Variants in SLC7A2 observed in about 807,000 individuals in gnomAD.
SLC7A2 encodes the protein solute carrier family 7 member 2.
In SLC7A2, 48 loss-of-function variants were observed where a neutral mutation model predicts 58.9. That is an observed-to-expected ratio of 0.82 (90% CI 0.65 to 1.04). The LOEUF (loss-of-function observed/expected upper bound fraction) is 1.04, where lower values mean the gene tolerates loss of function less well. Among genes scored for constraint, SLC7A2 ranks in the 50% least tolerant of loss-of-function variants. SLC7A2 has a pLI of 0.00. For synonymous variants in SLC7A2, 363 were observed against 314.5 expected, an observed-to-expected ratio of 1.15 and a Z score of -1.63; for missense variants, 1,029 against 818.8, an observed-to-expected ratio of 1.26 and a Z score of -3.13.
intron 10 of SLC7A2, among the ~76,000 whole-genome samples, 182 bp from the exon 11 acceptor site, chr8:17,561,762 T>C (rs952789399): frequency 2.6e-5 from 4 of 152,100 alleles, no homozygotes; most frequent in African/African-American, 4.8e-5. Context: ...GGTTCTTAAA[T>C]CCCTGCAACT....
intron 2 of SLC7A2, among the ~76,000 whole-genome samples, chr8:17,525,733 A>G (rs1042813534): frequency 6.6e-6 from 1 of 152,226 alleles, no homozygotes; most frequent in African/African-American, 2.4e-5. Flanking sequence ...AGAGAGGTAG[A>G]TGATGAAATA....
chr8:17,520,281 A>G (rs1800962135), intron 2 of SLC7A2, among the ~76,000 whole-genome samples: 1 of 152,174 alleles, frequency 6.6e-6, no homozygotes, highest in Admixed American at 6.5e-5. Flanking sequence ...GTTCATGAGA[A>G]TATTTGTGTA....
chr8:17,523,586 ATC>A (rs1174837208), intron 2 of SLC7A2, among the ~76,000 whole-genome samples: 2 of 152,134 alleles, frequency 1.3e-5, no homozygotes, highest in African/African-American at 4.8e-5. Context: ...CTGGATCCTC[ATC>A]TCTCAACTTA....
chr8:17,501,492 T>C lies in SLC7A2; in HGVS notation c.-68-765T>C, dbSNP rs145550103. On this transcript the variant is annotated intron_variant, in intron 1 of 12. Coordinates refer to ENST00000494857, the MANE Select transcript of SLC7A2 (RefSeq NM_001370338.1). ...TCTTATTTAGACTTTTAGTATTATT[T>C]AGACTTTTATTTAGACTTTTAGTAT... Among the ~76,000 whole-genome samples, 22 of 152,204 alleles carry C rather than the reference T, an allele frequency of 1.4e-4. 1 individual carries two copies. In the East Asian group the frequency reaches 4.1e-3, roughly 28 times the overall value.
In SLC7A2 at chr8:17,513,451, G is replaced by A. The variant is rs1460508334; in HGVS notation, c.-23+11149G>A. ...CACTTTTACCTCCATTCACACAAAAGGAAGTTTAAAACCTGCCTGGTTTGT... is the reference window on the plus strand; with the variant it reads ...CACTTTTACCTCCATTCACACAAAAAGAAGTTTAAAACCTGCCTGGTTTGT... On this transcript the variant is annotated intron_variant, in intron 2 of 12. Coordinates refer to ENST00000494857, the MANE Select transcript of SLC7A2 (RefSeq NM_001370338.1). 2.0e-5 allele frequency among the ~76,000 whole-genome samples: 3 copies of A among 152,098 alleles called. No individual in the cohort carries two copies. In the East Asian group the frequency reaches 5.8e-4, roughly 29 times the overall value.
chr8:17,558,388 T>C lies in SLC7A2; in HGVS notation c.1289T>C (p.Leu430Pro). Residue 430 changes from leucine to proline, a missense_variant, in exon 9 of 13, where the codon CTC becomes CCC. Leu to Pro is a moderately conservative substitution (Grantham distance 98). Transcript: ENST00000494857. ...TACTCTCTGGTGGCAGCCTGTGTTCTCATCCTCAGGTGAGTCACCTGGTGG... is the reference window on the plus strand; with the variant it reads ...TACTCTCTGGTGGCAGCCTGTGTTCCCATCCTCAGGTGAGTCACCTGGTGG... Reference protein sequence around the residue: ...MAYSLVAACVLILRYQPGLSY... With the variant: ...MAYSLVAACVPILRYQPGLSY... 1 of 1,610,040 alleles carries C rather than the reference T, an allele frequency of 6.2e-7. No individual in the cohort carries two copies. Among genetic ancestry groups the C allele is most frequent in the Non-Finnish European group, 8.5e-7 (1 of 1,176,744 alleles).
In SLC7A2 at chr8:17,554,468, A is replaced by G. The variant is rs747947949; in HGVS notation, c.1056-92A>G. On this transcript the variant is annotated intron_variant, in intron 7 of 12. Transcript: ENST00000494857. ...ATATGACTTCATAATTACAACTGTC[A>G]TGCTGAATATTATACAATTATTTTA... 2.0e-4 allele frequency: 207 copies of G among 1,028,980 alleles called. 3 individuals are homozygous for G. Among genetic ancestry groups the G allele is most frequent in the Middle Eastern group, 1.8e-3 (8 of 4,514 alleles). The allele number at this position is 1,028,980 out of a possible 1,614,324, so 63.7% of individuals were successfully genotyped here.
chr8:17,554,298 G>A (rs183711443), intron 7 of SLC7A2, among the ~76,000 whole-genome samples: 2 of 152,094 alleles, frequency 1.3e-5, no homozygotes, highest in Non-Finnish European at 2.9e-5. Context: ...CAAATTACTT[G>A]CAATATTGTT....
At chr8:17,561,847 A>T in intron 10 of SLC7A2, 97 bp from the exon 11 acceptor site, 1 of 1,161,350 alleles carries the variant, frequency 8.6e-7, no homozygotes, top group Non-Finnish European at 1.2e-6. Flanking sequence ...GTAGATGTGT[A>T]CAGAAGTCAG....
At chr8:17,539,904 G>A (rs191090594) in intron 2 of SLC7A2, among the ~76,000 whole-genome samples, 2 of 152,196 alleles carry the variant, frequency 1.3e-5, no homozygotes, top group African/African-American at 4.8e-5. Context: ...AAAAATGAGA[G>A]TAAGATGGTC....
chr8:17,511,959 T>C (rs1800621231), intron 2 of SLC7A2, among the ~76,000 whole-genome samples: 1 of 152,160 alleles, frequency 6.6e-6, no homozygotes, highest in Admixed American at 6.5e-5. Flanking sequence ...AAGAAAATAA[T>C]CTCATTTGGA....
chr8:17,564,854 AAACTCTATT>A (rs948308505), intron 12 of SLC7A2, 87 bp from the exon 13 acceptor site: 3 of 1,048,622 alleles, frequency 2.9e-6, no homozygotes, highest in African/African-American at 3.2e-5. Flanking sequence ...GGAAAGAGAC[AAACTCTATT>A]AAGTTCTACA....
intron 2 of SLC7A2, among the ~76,000 whole-genome samples, chr8:17,542,754 A>G (rs1801968767): frequency 6.6e-6 from 1 of 152,184 alleles, no homozygotes; most frequent in African/African-American, 2.4e-5. Context: ...GTGAGAATGA[A>G]ATTAGCCATC....
intron 2 of SLC7A2, among the ~76,000 whole-genome samples, chr8:17,517,515 T>G (rs1800849562): frequency 6.6e-6 from 1 of 152,126 alleles, no homozygotes; most frequent in Admixed American, 6.6e-5. Context: ...GTAGGTAACC[T>G]TCTTCTATTA....
chr8:17,501,066 T>A (rs1027252258), intron 1 of SLC7A2, among the ~76,000 whole-genome samples: 1 of 151,498 alleles, frequency 6.6e-6, no homozygotes, highest in African/African-American at 2.4e-5. Context: ...CAGGCTAGAG[T>A]GCAGTGGTGC....
chr8:17,506,931 C>T (rs1322938864), intron 2 of SLC7A2, among the ~76,000 whole-genome samples: 1 of 148,050 alleles, frequency 6.8e-6, no homozygotes, highest in African/African-American at 2.5e-5. Context: ...CTAGAATGCA[C>T]TACTTATTTG....
intron 2 of SLC7A2, among the ~76,000 whole-genome samples, chr8:17,506,169 A>G (rs1376299151): frequency 2.0e-5 from 3 of 152,234 alleles, no homozygotes; most frequent in Non-Finnish European, 4.4e-5. Flanking sequence ...CATAGCACAG[A>G]GCACTTTTAC....
At chr8:17,507,936 A>G (rs1166018582) in intron 2 of SLC7A2, among the ~76,000 whole-genome samples, 1 of 152,182 alleles carries the variant, frequency 6.6e-6, no homozygotes, top group African/African-American at 2.4e-5. Flanking sequence ...TTATGATATG[A>G]ACAAGTTTAT....
intron 2 of SLC7A2, among the ~76,000 whole-genome samples, chr8:17,533,541 A>C (rs1585222034): frequency 6.6e-6 from 1 of 152,214 alleles, no homozygotes; most frequent in Non-Finnish European, 1.5e-5. Flanking sequence ...GGGTGGGTGC[A>C]GGGTGGTGAT....
Sources: allele counts gnomAD v4.1 joint callset (sites outside exome capture counted in the v4.1 genomes callset), GRCh38; gene constraint gnomAD v4.1.1; transcripts MANE v1.5; gene names NCBI Gene and HGNC (gene_info 2026-07-23, HGNC 2026-07-21).